The following PSMD13 variants were observed in gnomAD, a reference collection of about 807,000 sequenced individuals.
The protein encoded by PSMD13 is 26S proteasome non-ATPase regulatory subunit 13.
PSMD13 carries 8 observed loss-of-function variants against 57.4 expected under a neutral mutation model. That is an observed-to-expected ratio of 0.14 (90% CI 0.08 to 0.25). PSMD13 has a LOEUF of 0.25. PSMD13 is among the 10% of genes least tolerant of loss of function. The probability of loss-of-function intolerance (pLI) is 1.00; values close to 1 mark genes in which losing one functional copy is unlikely to be tolerated. For synonymous variants in PSMD13, 193 were observed against 168.2 expected, an observed-to-expected ratio of 1.15 and a Z score of -1.14; for missense variants, 400 against 461.5, an observed-to-expected ratio of 0.87 and a Z score of 1.22.
rs1433070907 is a variant in PSMD13, at chr11:251,484, T to TGA, written c.838-62_838-61insGA. ...CAGAGCCAATATTGACAAAACATCCTTATCAGTTCTCTATTTTTATTTGGA... is the reference window on the plus strand; with the variant it reads ...CAGAGCCAATATTGACAAAACATCCTGATATCAGTTCTCTATTTTTATTTGGA... On this transcript the variant is annotated intron_variant, in intron 10 of 12. Transcript: ENST00000532097. This position sits in a 1 kb window ranked among gnomAD's most constrained non-coding sequence, Gnocchi z 4.6. The TGA allele has an allele frequency of 1.8e-5, 25 of 1,392,548 alleles. No homozygotes were observed. Among genetic ancestry groups the TGA allele is most frequent in the Non-Finnish European group, 2.5e-5 (25 of 1,002,368 alleles). The allele number at this position is 1,392,548 out of a possible 1,614,324, so 86.3% of individuals were successfully genotyped here. A position where few individuals can be genotyped will look rare whatever the true frequency, so the allele number is the denominator to read the frequency against.
intron 6 of PSMD13, among the ~76,000 whole-genome samples, 175 bp from the exon 7 acceptor site, chr11:247,102 G>A (rs3829999): frequency 0.15 from 22,583 of 152,118 alleles, 1,803 homozygotes; most frequent in South Asian, 0.33. Flanking sequence ...AAAAATCTTA[G>A]CCAAGCACAG....
At position 248,863 on chromosome 11, in the gene PSMD13, G is replaced by A. The variant is rs752634931; in HGVS notation, c.648+8G>A. The A allele has an allele frequency of 2.5e-6, 4 of 1,614,140 alleles. No individual in the cohort carries two copies. In the Admixed American group the frequency reaches 6.7e-5, roughly 27 times the overall value. ...TTTAACTTTGGAGAACTCGTAAGTT[G>A]ACCCTGAGCTCAGCTTCCTTAACGA... On this transcript the variant is annotated splice_region_variant and intron_variant, in intron 8 of 12. Transcript: ENST00000532097.
At chr11:239,801 T>C (rs1378054474) in intron 2 of PSMD13, among the ~76,000 whole-genome samples, 1 of 152,102 alleles carries the variant, frequency 6.6e-6, no homozygotes, top group Non-Finnish European at 1.5e-5. Flanking sequence ...TTTCCTGACA[T>C]CTTACTCTAT....
chr11:244,122 T>C, intron 3 of PSMD13, 39 bp from the exon 4 acceptor site: 3 of 1,605,644 alleles, frequency 1.9e-6, no homozygotes, highest in Non-Finnish European at 2.6e-6. Context: ...AGTGCATTGA[T>C]GCTCGGCGGT....
At chr11:247,801 C>T (rs1240695976) in intron 7 of PSMD13, 2 of 169,116 alleles carry the variant, frequency 1.2e-5, no homozygotes, top group Non-Finnish European at 2.5e-5. Flanking sequence ...CCACTGCACC[C>T]CAGCCTGGGT....
chr11:238,959 A>G, intron 1 of PSMD13, 39 bp from the exon 2 acceptor site: 5 of 1,561,786 alleles, frequency 3.2e-6, no homozygotes, highest in Non-Finnish European at 4.4e-6. Flanking sequence ...CTGTGACTGG[A>G]TATTAGGTTA....
chr11:247,241 C>A, intron 6 of PSMD13, 36 bp from the exon 7 acceptor site: 1 of 1,575,428 alleles, frequency 6.3e-7, no homozygotes, highest in Non-Finnish European at 8.6e-7. Context: ...AAACTTTTAA[C>A]TTAAAAAGAG....
Position 252,630 on chromosome 11 carries a change from T to G in PSMD13, c.*30T>G. ...CCCTGGTTCCCCGTCGTGTCTCCTT[T>G]GACTCACCTGAGAGAGGCGTTTGCA... On this transcript the variant is annotated 3_prime_UTR_variant, in exon 13 of 13. Transcript: ENST00000532097. This position sits in a 1 kb window ranked among gnomAD's most constrained non-coding sequence, Gnocchi z 4.1. 6.2e-7 allele frequency: 1 copy of G among 1,603,174 alleles called. No homozygotes were observed. The highest frequency in any genetic ancestry group is 1.1e-5 in the South Asian group (1 of 90,846).
In PSMD13 at chr11:252,327, G is replaced by T; in HGVS notation, c.1036-178G>T. On this transcript the variant is annotated intron_variant, in intron 12 of 12. Coordinates refer to ENST00000532097, the MANE Select transcript of PSMD13 (RefSeq NM_002817.4). This position sits in a 1 kb window ranked among gnomAD's most constrained non-coding sequence, Gnocchi z 4.1. ...TGCAAGTTTTTTCTAACGTTCCTGT[G>T]AAAAGAATTAACCCGGCAAGTCCCG... is the stretch of plus-strand genomic sequence containing the variant. 1 of 598,828 alleles carries T rather than the reference G, an allele frequency of 1.7e-6. No homozygotes were observed. Among genetic ancestry groups the T allele is most frequent in the Non-Finnish European group, 3.0e-6 (1 of 335,366 alleles). 37.1% of individuals were successfully genotyped at this position (598,828 alleles called of 1,614,324 possible).
chr11:250,736 A>G (rs1859751087), intron 9 of PSMD13, 67 bp from the exon 10 acceptor site: 1 of 1,456,348 alleles, frequency 6.9e-7, no homozygotes, highest in Non-Finnish European at 9.6e-7. Flanking sequence ...CGAATTCCAG[A>G]TCCCCAGTTA....
At chr11:249,207 A>C in intron 9 of PSMD13, 150 bp downstream of exon 9, 4 of 1,121,362 alleles carry the variant, frequency 3.6e-6, no homozygotes, top group Non-Finnish European at 5.0e-6. Context: ...CATAGAGCAG[A>C]GAGTTAAGTG....
At position 252,020 on chromosome 11, in the gene PSMD13, C is replaced by A; in HGVS notation, c.1035+84C>A. 7.8e-7 allele frequency: 1 copy of A among 1,276,202 alleles called. No homozygotes were observed. The highest frequency in any genetic ancestry group is 1.1e-6 in the Non-Finnish European group (1 of 900,778). 79.1% of individuals were successfully genotyped at this position (1,276,202 alleles called of 1,614,324 possible). A position where few individuals can be genotyped will look rare whatever the true frequency, so the allele number is the denominator to read the frequency against. On this transcript the variant is annotated intron_variant, in intron 12 of 12. Coordinates refer to ENST00000532097, the MANE Select transcript of PSMD13 (RefSeq NM_002817.4). The surrounding 1 kb of genome is among the most constrained non-coding windows in gnomAD (Gnocchi z 4.1). ...CGTCTTAGTTTCATTTGGATGGAAG[C>A]CATTTGGGAAGACAGCATTATTAGA...
intron 2 of PSMD13, chr11:243,304 A>G (rs1590248136): frequency 2.5e-6 from 1 of 400,310 alleles, no homozygotes; most frequent in Non-Finnish European, 5.1e-6. Context: ...TATATTGAAC[A>G]TCACGATTCC....
Position 252,398 on chromosome 11 carries a change from G to C in PSMD13, c.1036-107G>C, listed in dbSNP as rs1387469804. 9.8e-6 allele frequency: 10 copies of C among 1,019,522 alleles called. No individual in the cohort carries two copies. Among genetic ancestry groups the C allele is most frequent in the Non-Finnish European group, 1.5e-5 (10 of 650,554 alleles). The allele number at this position is 1,019,522 out of a possible 1,614,324, so 63.2% of individuals were successfully genotyped here. ...GGTCCTTTTTACTAGAGCTGCCCTA[G>C]AGAGTTAGCTGGAGATGTAGAGTCA... On this transcript the variant is annotated intron_variant, in intron 12 of 12. Transcript: ENST00000532097. The surrounding 1 kb of genome is among the most constrained non-coding windows in gnomAD (Gnocchi z 4.1).
At chr11:237,252 T>C (rs553623781) in intron 1 of PSMD13, 108 bp downstream of exon 1, 263 of 1,054,380 alleles carry the variant, frequency 2.5e-4, no homozygotes, top group Admixed American at 4.2e-4. Flanking sequence ...CAGACCCAAG[T>C]TGGGGGGAAA....
rs771000469 is a variant in PSMD13, at chr11:252,469, G to A, written c.1036-36G>A. The A allele has an allele frequency of 1.2e-6, 2 of 1,606,246 alleles. No homozygotes were observed. Among genetic ancestry groups the A allele is most frequent in the South Asian group, 2.2e-5 (2 of 90,884 alleles). On this transcript the variant is annotated intron_variant, in intron 12 of 12. Coordinates refer to ENST00000532097, the MANE Select transcript of PSMD13 (RefSeq NM_002817.4). This position sits in a 1 kb window ranked among gnomAD's most constrained non-coding sequence, Gnocchi z 4.1. ...GCCGCTCGGCCTGTGTCTCCTGCGT[G>A]TCTTAACGTCCCTTGTGTCCGGATT...
chr11:247,267 C>T lies in PSMD13; in HGVS notation c.397-10C>T, dbSNP rs780774806. 3 of 1,593,630 alleles carry T rather than the reference C, an allele frequency of 1.9e-6. No homozygotes were observed. The South Asian group carries it at 3.4e-5, about 18-fold the overall frequency. ...TTAAAAAGAGAGATGATTTTCCTTC[C>T]TGTGTATAGGAAACAATTGAAGATG... is the stretch of plus-strand genomic sequence containing the variant. On this transcript the variant is annotated splice_polypyrimidine_tract_variant and intron_variant, in intron 6 of 12. Coordinates refer to ENST00000532097, the MANE Select transcript of PSMD13 (RefSeq NM_002817.4).
intron 2 of PSMD13, among the ~76,000 whole-genome samples, chr11:240,976 C>T (rs1859500694): frequency 6.6e-6 from 1 of 152,010 alleles, no homozygotes; most frequent in Admixed American, 6.6e-5. Context: ...GGATTACAGG[C>T]ACCCGCCACC....
chr11:245,471 T>C (rs1007865551), intron 6 of PSMD13, among the ~76,000 whole-genome samples: 7 of 152,230 alleles, frequency 4.6e-5, no homozygotes, highest in Admixed American at 3.9e-4. Context: ...CACTGGCATG[T>C]CACGTGCTAT....
Sources: gnomAD v4.1 joint callset for allele counts (sites outside exome capture counted in the v4.1 genomes callset) on GRCh38, gnomAD v4.1.1 for gene constraint, Gnocchi (gnomAD v3.1) non-coding constraint, MANE v1.5 for transcripts, NCBI Gene and HGNC (gene_info 2026-07-23, HGNC 2026-07-21) for gene names.